Variants in MFAP3L observed in about 807,000 individuals in gnomAD.
The protein encoded by MFAP3L is microfibril associated protein 3 like.
Under a neutral mutation model 20.0 loss-of-function variants are expected in MFAP3L, and 5 were observed. The observed-to-expected ratio is 0.25, with a 90% confidence interval of 0.13 to 0.53. The LOEUF is 0.53. Among genes scored for constraint, MFAP3L ranks in the 20% least tolerant of loss-of-function variants. The pLI is 0.96. For synonymous variants in MFAP3L, 219 were observed against 213.0 expected (o/e 1.03, Z -0.25); for missense variants, 409 against 527.5 (o/e 0.78, Z 2.20).
In MFAP3L at chr4:169,990,384, C is replaced by T. The variant is rs1025927787; in HGVS notation, c.*994G>A. 3 of 152,464 alleles carry T rather than the reference C, an allele frequency of 2.0e-5. No homozygotes were observed. The highest frequency in any genetic ancestry group is 4.4e-5 in the Non-Finnish European group (3 of 68,042). 9.4% of individuals were successfully genotyped at this position (152,464 alleles called of 1,614,324 possible). A position where few individuals can be genotyped will look rare whatever the true frequency, so the allele number is the denominator to read the frequency against. On this transcript the variant is annotated 3_prime_UTR_variant, in exon 3 of 3. Transcript: ENST00000361618. ...TATATGTCATCCAACAGCATATGGTCCCTGCAAGCCTGTTTGGAAGCCAAT... is the reference window on the plus strand; with the variant it reads ...TATATGTCATCCAACAGCATATGGTTCCTGCAAGCCTGTTTGGAAGCCAAT...
chr4:169,991,564 C>G lies in MFAP3L; in HGVS notation c.1044G>C (p.Leu348=). The G allele has an allele frequency of 6.2e-7, 1 of 1,614,176 alleles. No homozygotes were observed. Among genetic ancestry groups the G allele is most frequent in the Non-Finnish European group, 8.5e-7 (1 of 1,180,032 alleles). Residue 348 remains leucine, a synonymous_variant, in exon 3 of 3, where the codon CTG becomes CTC. Transcript: ENST00000361618. The surrounding 1 kb of genome is among the most constrained non-coding windows in gnomAD (Gnocchi z 4.9). ...FEVKDVEETE[L]SAEHSPETAE... is the part of the protein sequence containing the mutation. Reference sequence around the variant, plus strand: ...CAGTTTCGGGGGAATGTTCCGCCGACAGTTCTGTCTCCTCTACATCTTTGA... The same window carrying G: ...CAGTTTCGGGGGAATGTTCCGCCGAGAGTTCTGTCTCCTCTACATCTTTGA...
intron 1 of MFAP3L, among the ~76,000 whole-genome samples, chr4:170,017,336 A>G (rs1739760891): frequency 6.6e-6 from 1 of 152,154 alleles, no homozygotes; most frequent in South Asian, 2.1e-4. Flanking sequence ...ACCCTACTGG[A>G]TTTAATTCTT....
At chr4:170,024,843 A>G (rs1740252293) in intron 1 of MFAP3L, among the ~76,000 whole-genome samples, 3 of 152,218 alleles carry the variant, frequency 2.0e-5, no homozygotes. Flanking sequence ...GCTTGCAAGC[A>G]AGCACCAACC....
At chr4:169,995,565 G>A (rs561781024) in intron 2 of MFAP3L, among the ~76,000 whole-genome samples, 1 of 152,270 alleles carries the variant, frequency 6.6e-6, no homozygotes, top group South Asian at 2.1e-4. Context: ...GTCCAGACAG[G>A]AACATCTCGA....
At chr4:170,003,692 A>T (rs1202018180) in intron 2 of MFAP3L, 10 of 985,276 alleles carry the variant, frequency 1.0e-5, no homozygotes, top group Non-Finnish European at 3.6e-6. Context: ...GGTCCATGTA[A>T]AAGGGAGATC....
intron 2 of MFAP3L, among the ~76,000 whole-genome samples, chr4:169,997,492 A>C (rs1738263783): frequency 6.6e-6 from 1 of 152,256 alleles, no homozygotes; most frequent in African/African-American, 2.4e-5. Context: ...CCAAAAGAAA[A>C]AATGGGAAAA....
chr4:170,012,145 C>T (rs1046855181), intron 1 of MFAP3L, among the ~76,000 whole-genome samples: 8 of 152,084 alleles, frequency 5.3e-5, no homozygotes, highest in South Asian at 4.2e-4. Context: ...CATATGGCTG[C>T]GATGTAGACC....
At chr4:170,024,904 T>C (rs931229387) in intron 1 of MFAP3L, among the ~76,000 whole-genome samples, 9 of 152,220 alleles carry the variant, frequency 5.9e-5, no homozygotes, top group African/African-American at 2.2e-4. Context: ...CTAAAGTCTA[T>C]TAAGGTCTAT....
rs1324623020 is a variant in MFAP3L at position 169,987,324 on chromosome 4, A to C, written c.*4054T>G. 1 of 152,238 alleles carries C rather than the reference A, an allele frequency of 6.6e-6. No homozygotes were observed. Among genetic ancestry groups the C allele is most frequent in the Non-Finnish European group, 1.5e-5 (1 of 68,032 alleles). The allele number at this position is 152,238 out of a possible 1,614,324, so 9.4% of individuals were successfully genotyped here. ...GAGATTTGGTAGATATTTTAAGAGT[A>C]TGAATAACTTGGTTTAAAAACCAAG... On this transcript the variant is annotated 3_prime_UTR_variant, in exon 3 of 3. Coordinates refer to ENST00000361618, the MANE Select transcript of MFAP3L (RefSeq NM_021647.8).
intron 2 of MFAP3L, among the ~76,000 whole-genome samples, chr4:169,993,302 C>G (rs1737873981): frequency 6.6e-6 from 1 of 152,148 alleles, no homozygotes; most frequent in Admixed American, 6.5e-5. Context: ...AATGAAGATC[C>G]CAGTTAGGCT....
At chr4:170,026,432 G>T (rs1165547197), upstream of MFAP3L, 3 of 302,780 alleles carry the variant, frequency 9.9e-6, no homozygotes, top group African/African-American at 2.3e-5. Flanking sequence ...CAGGAGCCTG[G>T]GCCGGCCGGG....
intron 1 of MFAP3L, among the ~76,000 whole-genome samples, chr4:170,011,954 A>G (rs995236428): frequency 6.6e-6 from 1 of 152,236 alleles, no homozygotes; most frequent in African/African-American, 2.4e-5. Flanking sequence ...AATGTCTGTA[A>G]TTAGGCACTG....
At position 169,990,051 on chromosome 4, in the gene MFAP3L, T is replaced by C. The variant is rs969768161; in HGVS notation, c.*1327A>G. On this transcript the variant is annotated 3_prime_UTR_variant, in exon 3 of 3. Coordinates refer to ENST00000361618, the MANE Select transcript of MFAP3L (RefSeq NM_021647.8). ...GGTTCTGTGTGACAGTGATACCATT[T>C]CAACAGTGCTCAGAGCTCATGTCAT... 1 of 152,244 alleles carries C rather than the reference T, an allele frequency of 6.6e-6. No individual in the cohort carries two copies. Among genetic ancestry groups the C allele is most frequent in the African/African-American group, 2.4e-5 (1 of 41,440 alleles). 9.4% of individuals were successfully genotyped at this position (152,244 alleles called of 1,614,324 possible).
rs760919791 is a variant in MFAP3L, at chr4:169,992,172, A to T, written c.436T>A (p.Ser146Thr). 35 of 1,614,028 alleles carry T rather than the reference A, an allele frequency of 2.2e-5. No homozygotes were observed. The South Asian group carries it at 2.6e-4, about 12-fold the overall frequency. ...ATGTAGTAGACACCCATGTCTCCAG[A>T]AGTGAAGATGACGCGCAAGGTCACC... is the stretch of plus-strand genomic sequence containing the variant. ...NTVTLRVIFTSGDMGVYYMVV... is the reference protein window; with the variant it reads ...NTVTLRVIFTTGDMGVYYMVV... Residue 146 changes from serine (S) to threonine (T), a missense_variant, in exon 3 of 3, where the codon TCT becomes ACT. This residue lies in a region of MFAP3L where 127 missense variants were observed against 218.1 expected (regional missense o/e 0.58). Coordinates refer to ENST00000361618, the MANE Select transcript of MFAP3L (RefSeq NM_021647.8). This position sits in a 1 kb window ranked among gnomAD's most constrained non-coding sequence, Gnocchi z 4.3.
In MFAP3L at chr4:169,992,435, T is replaced by C. The variant is rs1041758585; in HGVS notation, c.299-126A>G. On this transcript the variant is annotated intron_variant, in intron 2 of 2. Transcript: ENST00000361618. The surrounding 1 kb of genome is among the most constrained non-coding windows in gnomAD (Gnocchi z 4.3). Reference sequence around the variant, plus strand: ...ATCTATGAAGTCTATGAACGTCGACTTCACATGCTTACTATGCGGCAGGCA... The same window carrying C: ...ATCTATGAAGTCTATGAACGTCGACCTCACATGCTTACTATGCGGCAGGCA... The C allele has an allele frequency of 1.4e-5, 11 of 806,484 alleles. No homozygotes were observed. The South Asian group carries it at 1.9e-4, about 14-fold the overall frequency. 50.0% of individuals were successfully genotyped at this position (806,484 alleles called of 1,614,324 possible). A position where few individuals can be genotyped will look rare whatever the true frequency, so the allele number is the denominator to read the frequency against.
At chr4:170,012,565 C>A (rs1317997797) in intron 1 of MFAP3L, among the ~76,000 whole-genome samples, 1 of 152,200 alleles carries the variant, frequency 6.6e-6, no homozygotes, top group African/African-American at 2.4e-5. Flanking sequence ...ACCATCTTCT[C>A]TCTCTGTACC....
intron 1 of MFAP3L, among the ~76,000 whole-genome samples, chr4:170,010,611 CCTT>C (rs746388308): frequency 2.0e-5 from 3 of 152,156 alleles, no homozygotes; most frequent in Non-Finnish European, 4.4e-5. Flanking sequence ...TATATTTTCT[CCTT>C]CTTAAGATTT....
In MFAP3L at chr4:169,998,656, G is replaced by A. The variant is rs138861047; in HGVS notation, c.299-6347C>T. ...AAATTTCCAATCTTTTTATGAATGC[G>A]TGTGTGTAAACAGTGATGGACGTAT... On this transcript the variant is annotated intron_variant, in intron 2 of 2. Transcript: ENST00000361618. Among the ~76,000 whole-genome samples the A allele has an allele frequency of 2.4e-4, 37 of 152,122 alleles. No homozygotes were observed. In the East Asian group the frequency reaches 6.8e-3, roughly 28 times the overall value.
At chr4:170,020,988 T>C (rs948209655) in intron 1 of MFAP3L, among the ~76,000 whole-genome samples, 16 of 152,272 alleles carry the variant, frequency 1.1e-4, no homozygotes, top group Admixed American at 9.2e-4. Flanking sequence ...TGAGAAAGGC[T>C]GGACACTGGT....
Sources: gnomAD v4.1 joint callset for allele counts (sites outside exome capture counted in the v4.1 genomes callset) on GRCh38, gnomAD v4.1.1 for gene constraint, gnomAD v4.1.1 regional missense constraint, Gnocchi (gnomAD v3.1) non-coding constraint, MANE v1.5 for transcripts, NCBI Gene and HGNC (gene_info 2026-07-23, HGNC 2026-07-21) for gene names.